The following DLG2 variants were observed in gnomAD, a reference collection of about 807,000 sequenced individuals.
DLG2 encodes the protein disks large homolog 2.
A neutral mutation model predicts 132.5 loss-of-function variants in DLG2; 45 were observed. That is an observed-to-expected ratio of 0.34 (90% CI 0.27 to 0.44). The LOEUF (loss-of-function observed/expected upper bound fraction) is 0.44, where lower values mean the gene tolerates loss of function less well. Among genes scored for constraint, DLG2 ranks in the 20% least tolerant of loss-of-function variants. The pLI, the probability that DLG2 is intolerant of heterozygous loss-of-function variation, is 1.00. For missense variants in DLG2, 1,045 were observed against 1,196.9 expected, an observed-to-expected ratio of 0.87 and a Z score of 1.87; for synonymous variants, 424 against 419.6, an observed-to-expected ratio of 1.01 and a Z score of -0.13.
At chr11:83,765,842 TTAG>T (rs2094119480) in intron 18 of DLG2, among the ~76,000 whole-genome samples, 2 of 152,182 alleles carry the variant, frequency 1.3e-5, no homozygotes, top group Non-Finnish European at 2.9e-5. Flanking sequence ...AGTTAAGGTA[TTAG>T]AATTGCTACC....
intron 7 of DLG2, among the ~76,000 whole-genome samples, chr11:84,374,485 G>A (rs1387741619): frequency 6.6e-6 from 1 of 152,104 alleles, no homozygotes; most frequent in Admixed American, 6.6e-5. Context: ...TTTAATCTGT[G>A]ATTTTTTTTA....
chr11:85,109,460 C>A (rs1278644638), intron 6 of DLG2, among the ~76,000 whole-genome samples: 1 of 152,022 alleles, frequency 6.6e-6, no homozygotes, highest in Non-Finnish European at 1.5e-5. Flanking sequence ...TAAGGTTCTA[C>A]AATACAACTA....
intron 7 of DLG2, among the ~76,000 whole-genome samples, chr11:84,484,119 G>T (rs2099145059): frequency 6.6e-6 from 1 of 152,110 alleles, no homozygotes; most frequent in African/African-American, 2.4e-5. Flanking sequence ...CTACTGTGGG[G>T]TACAAGAGAT....
chr11:84,068,594 A>T (rs2096712702), intron 10 of DLG2, among the ~76,000 whole-genome samples: 1 of 152,232 alleles, frequency 6.6e-6, no homozygotes, highest in Admixed American at 6.5e-5. Flanking sequence ...TCAGATAAAC[A>T]TTAGTAATTA....
At chr11:85,586,445 AT>A (rs1239576152) in intron 3 of DLG2, among the ~76,000 whole-genome samples, 1 of 152,046 alleles carries the variant, frequency 6.6e-6, no homozygotes, top group Non-Finnish European at 1.5e-5. Flanking sequence ...AGGGTTGTAT[AT>A]TTCTTGGAAT....
intron 6 of DLG2, among the ~76,000 whole-genome samples, chr11:84,958,881 C>G (rs1167753512): frequency 6.6e-6 from 1 of 152,184 alleles, no homozygotes; most frequent in Non-Finnish European, 1.5e-5. Context: ...TGACCACAGA[C>G]CCAAGCTTCA....
At chr11:85,388,549 C>G (rs1473857549) in intron 3 of DLG2, among the ~76,000 whole-genome samples, 2 of 152,120 alleles carry the variant, frequency 1.3e-5, no homozygotes, top group Non-Finnish European at 2.9e-5. Flanking sequence ...ACCACAAAAC[C>G]AGAGCACTTA....
intron 6 of DLG2, among the ~76,000 whole-genome samples, chr11:84,746,324 A>G (rs2065356174): frequency 6.6e-6 from 1 of 152,110 alleles, no homozygotes; most frequent in African/African-American, 2.4e-5. Context: ...GATGCTTCAA[A>G]ATAATTCTTT....
intron 8 of DLG2, among the ~76,000 whole-genome samples, chr11:84,233,971 T>G (rs2097127621): frequency 6.6e-6 from 1 of 152,124 alleles, no homozygotes. Flanking sequence ...CCTGACAAGA[T>G]CTTAGGAGCT....
chr11:84,104,033 A>T (rs948016812), intron 9 of DLG2, among the ~76,000 whole-genome samples: 1 of 152,158 alleles, frequency 6.6e-6, no homozygotes, highest in African/African-American at 2.4e-5. Flanking sequence ...TTATTTTTCT[A>T]GTGTTAAAAA....
At chr11:84,985,200 T>G (rs2056317256) in intron 6 of DLG2, among the ~76,000 whole-genome samples, 1 of 152,190 alleles carries the variant, frequency 6.6e-6, no homozygotes, top group Non-Finnish European at 1.5e-5. Flanking sequence ...ACATGGAACT[T>G]TCTCTCAGGT....
At chr11:84,008,955 C>A (rs970797412) in intron 11 of DLG2, among the ~76,000 whole-genome samples, 1 of 150,050 alleles carries the variant, frequency 6.7e-6, no homozygotes, top group African/African-American at 2.4e-5. Context: ...GTTTTTTGAC[C>A]TAGAGTGGGA....
chr11:83,797,993 C>T (rs1332472859), intron 17 of DLG2, among the ~76,000 whole-genome samples: 1 of 152,146 alleles, frequency 6.6e-6, no homozygotes, highest in Non-Finnish European at 1.5e-5. Context: ...AGAGAATGCA[C>T]AGGAAGGGAA....
chr11:84,218,459 G>A (rs912778960), intron 8 of DLG2, among the ~76,000 whole-genome samples: 8 of 152,134 alleles, frequency 5.3e-5, no homozygotes, highest in Middle Eastern at 3.4e-3. Flanking sequence ...AAATAAGAGC[G>A]TATTTCCTGG....
intron 7 of DLG2, among the ~76,000 whole-genome samples, chr11:84,331,454 AAAAAAAAT>A (rs2098458586): frequency 8.9e-6 from 1 of 112,226 alleles, no homozygotes; most frequent in East Asian, 2.7e-4. Context: ...AAAAAAAAAA[AAAAAAAAT>A]AAATAAATAA....
intron 7 of DLG2, among the ~76,000 whole-genome samples, chr11:84,280,800 C>T (rs917236605): frequency 6.6e-6 from 1 of 151,170 alleles, no homozygotes; most frequent in African/African-American, 2.4e-5. Flanking sequence ...CTGGTTCACG[C>T]CATTCTCCTG....
At chr11:85,018,777 G>C (rs2059781146) in intron 6 of DLG2, among the ~76,000 whole-genome samples, 1 of 147,744 alleles carries the variant, frequency 6.8e-6, no homozygotes, top group Admixed American at 6.8e-5. Context: ...TTATTCCATA[G>C]AAAACATGCC....
chr11:84,822,112 G>C (rs1057254527), intron 6 of DLG2, among the ~76,000 whole-genome samples: 1 of 151,670 alleles, frequency 6.6e-6, no homozygotes, highest in African/African-American at 2.4e-5. Flanking sequence ...CAAAAGATAC[G>C]GCCCATAAGT....
intron 3 of DLG2, among the ~76,000 whole-genome samples, chr11:85,316,348 T>G (rs1298662353): frequency 6.6e-6 from 1 of 152,032 alleles, no homozygotes; most frequent in African/African-American, 2.4e-5. Context: ...ATTTAAGCTA[T>G]CCTGATGTTT....
Sources: gnomAD v4.1 joint callset for allele counts (sites outside exome capture counted in the v4.1 genomes callset) on GRCh38, gnomAD v4.1.1 for gene constraint, MANE v1.5 for transcripts, NCBI Gene and HGNC (gene_info 2026-07-23, HGNC 2026-07-21) for gene names.